Variants in FARP1 observed in about 807,000 individuals in gnomAD.
The protein encoded by FARP1 is FERM, ARH/RhoGEF and pleckstrin domain protein 1.
A neutral mutation model predicts 128.8 loss-of-function variants in FARP1; 52 were observed. The ratio of observed to expected loss-of-function variants is 0.40; its 90% CI spans 0.32 to 0.51. The LOEUF is 0.51. Ranked by LOEUF, FARP1 falls within the 20% of genes least tolerant of loss-of-function variation. The probability of loss-of-function intolerance (pLI) is 0.45; values close to 1 mark genes in which losing one functional copy is unlikely to be tolerated. For synonymous variants in FARP1, 580 were observed against 551.8 expected (o/e 1.05, Z -0.72); for missense variants, 1,333 against 1,367.9 (o/e 0.97, Z 0.40).
intron 5 of FARP1, among the ~76,000 whole-genome samples, chr13:98,373,122 A>G (rs1308369859): frequency 2.0e-5 from 3 of 152,118 alleles, no homozygotes; most frequent in Non-Finnish European, 4.4e-5. Context: ...TCAGCCTTCA[A>G]AATAGCCTTG....
chr13:98,381,299 AG>A (rs1889879295), intron 6 of FARP1, among the ~76,000 whole-genome samples: 1 of 152,198 alleles, frequency 6.6e-6, no homozygotes, highest in Admixed American at 6.6e-5. Context: ...GTAAGGTATA[AG>A]GGGTCAAGTC....
chr13:98,207,907 T>TA (rs1566740954), intron 1 of FARP1, among the ~76,000 whole-genome samples: 743 of 33,156 alleles, frequency 0.022, 19 homozygotes, highest in African/African-American at 0.082. Context: ...GACCACCACC[T>TA]CCACACACAC....
chr13:98,228,188 G>A (rs752069098), intron 2 of FARP1, among the ~76,000 whole-genome samples: 5 of 152,136 alleles, frequency 3.3e-5, no homozygotes, highest in Admixed American at 6.6e-5. Context: ...GTGAAACCCT[G>A]TCTCTACTAA....
At chr13:98,148,657 G>A (rs1235634558) in intron 1 of FARP1, among the ~76,000 whole-genome samples, 1 of 152,156 alleles carries the variant, frequency 6.6e-6, no homozygotes, top group East Asian at 1.9e-4. Flanking sequence ...GTTAGCATCT[G>A]TTGGTGGTAA....
chr13:98,301,275 T>G (rs1275455776), intron 2 of FARP1, among the ~76,000 whole-genome samples: 1 of 152,188 alleles, frequency 6.6e-6, no homozygotes, highest in African/African-American at 2.4e-5. Flanking sequence ...CTGTTGGACT[T>G]GTAGGGCTTT....
At chr13:98,239,668 G>A (rs1473607309) in intron 2 of FARP1, among the ~76,000 whole-genome samples, 1 of 152,102 alleles carries the variant, frequency 6.6e-6, no homozygotes, top group Non-Finnish European at 1.5e-5. Context: ...GGGGCAGTGG[G>A]GAGAGGTGGT....
intron 1 of FARP1, chr13:98,177,071 C>CT: frequency 6.3e-7 from 1 of 1,597,024 alleles, no homozygotes; most frequent in Non-Finnish European, 8.5e-7. Flanking sequence ...GGCTGAGCCA[C>CT]TGTGTCGCCC....
intron 13 of FARP1, chr13:98,395,987 C>G (rs1594486351): frequency 2.5e-6 from 1 of 399,052 alleles, no homozygotes; most frequent in East Asian, 3.6e-5. Flanking sequence ...GACACTCTCC[C>G]GGACCAGGGT....
At chr13:98,350,631 T>C (rs941720884) in intron 3 of FARP1, among the ~76,000 whole-genome samples, 5 of 152,204 alleles carry the variant, frequency 3.3e-5, no homozygotes, top group Admixed American at 2.0e-4. Flanking sequence ...GATCCTTCCC[T>C]GTGCTCCTCC....
chr13:98,269,003 A>G (rs984553437), intron 2 of FARP1, among the ~76,000 whole-genome samples: 3 of 152,064 alleles, frequency 2.0e-5, no homozygotes, highest in African/African-American at 7.2e-5. Context: ...AAGTTCTGGG[A>G]TTACAGGCAT....
chr13:98,277,152 CA>C (rs1878461459), intron 2 of FARP1, among the ~76,000 whole-genome samples: 1 of 11,402 alleles, frequency 8.8e-5, no homozygotes, highest in African/African-American at 2.1e-4. Flanking sequence ...ACACACACCC[CA>C]TATGTATATA....
chr13:98,218,780 T>C (rs573961459), intron 2 of FARP1, among the ~76,000 whole-genome samples: 1 of 152,252 alleles, frequency 6.6e-6, no homozygotes, highest in Admixed American at 6.5e-5. Context: ...GGCTGAACTC[T>C]ATGCTGTTTG....
intron 1 of FARP1, among the ~76,000 whole-genome samples, chr13:98,149,053 A>AT (rs923187529): frequency 1.3e-5 from 2 of 151,728 alleles, no homozygotes; most frequent in Non-Finnish European, 2.9e-5. Flanking sequence ...CACTTGGCTC[A>AT]TTTTTTGTAT....
In FARP1 at chr13:98,317,613, G is replaced by A. The variant is rs372388505; in HGVS notation, c.172-26149G>A. On this transcript the variant is annotated intron_variant, in intron 2 of 26. Coordinates refer to ENST00000319562, the MANE Select transcript of FARP1 (RefSeq NM_005766.4). ...CAAAGAAGGTAAAGATGGGGTTTGA[G>A]TTTTTAATTGATTCCCCTCTGTCTT... Among the ~76,000 whole-genome samples the A allele has an allele frequency of 1.6e-4, 24 of 150,216 alleles. No homozygotes were observed. The South Asian group carries it at 4.8e-3, about 30-fold the overall frequency.
At chr13:98,217,640 C>T (rs541035304) in intron 2 of FARP1, among the ~76,000 whole-genome samples, 2 of 152,292 alleles carry the variant, frequency 1.3e-5, no homozygotes, top group East Asian at 1.9e-4. Context: ...CCCTGTACAC[C>T]GGGAGGTGCC....
chr13:98,343,146 A>AG (rs1888040889), intron 2 of FARP1, among the ~76,000 whole-genome samples: 1 of 152,206 alleles, frequency 6.6e-6, no homozygotes, highest in Non-Finnish European at 1.5e-5. Flanking sequence ...ATTCTGGGAA[A>AG]GGCAAACTAT....
At chr13:98,224,931 T>C (rs551716178) in intron 2 of FARP1, among the ~76,000 whole-genome samples, 12 of 152,324 alleles carry the variant, frequency 7.9e-5, no homozygotes, top group Non-Finnish European at 1.6e-4. Context: ...TCCCGACTGA[T>C]CCTTCATCCC....
At chr13:98,333,228 C>T (rs1274214777) in intron 2 of FARP1, 1 of 152,112 alleles carries the variant, frequency 6.6e-6, no homozygotes, top group Non-Finnish European at 1.5e-5. Flanking sequence ...ATTAAAGTAT[C>T]AAGCTGTCAA....
chr13:98,376,152 T>C (rs1170914833), intron 5 of FARP1, among the ~76,000 whole-genome samples: 1 of 152,162 alleles, frequency 6.6e-6, no homozygotes, highest in Non-Finnish European at 1.5e-5. Context: ...CCAATTATAC[T>C]CTTCATTATT....
Sources: gnomAD v4.1 joint callset for allele counts (sites outside exome capture counted in the v4.1 genomes callset) on GRCh38, gnomAD v4.1.1 for gene constraint, MANE v1.5 for transcripts, NCBI Gene and HGNC (gene_info 2026-07-23, HGNC 2026-07-21) for gene names.